MTUS2: variants seen among roughly 807,000 people sequenced by gnomAD.
The protein encoded by MTUS2 is microtubule-associated tumor suppressor candidate 2.
In MTUS2, 40 loss-of-function variants were observed where a neutral mutation model predicts 114.1. The observed-to-expected ratio is 0.35, with a 90% CI of 0.27 to 0.46. The LOEUF (loss-of-function observed/expected upper bound fraction) is 0.46, where lower values mean the gene tolerates loss of function less well. MTUS2 is among the 20% of genes least tolerant of loss of function. MTUS2 has a pLI of 1.00. For missense variants in MTUS2, 1,679 were observed against 1,705.4 expected (o/e 0.98, Z 0.27); for synonymous variants, 688 against 672.0 (o/e 1.02, Z -0.37).
At chr13:29,240,256 T>C (rs947878553) in intron 5 of MTUS2, 5 of 152,178 alleles carry the variant, frequency 3.3e-5, no homozygotes, top group Non-Finnish European at 5.9e-5. Flanking sequence ...TGTCTAAATA[T>C]GGTTACCAGC....
chr13:29,499,396 T>C (rs1473212615), intron 14 of MTUS2, among the ~76,000 whole-genome samples: 1 of 152,244 alleles, frequency 6.6e-6, no homozygotes. Context: ...ATCTGGAAAT[T>C]GGCCCCAGGA....
At chr13:29,119,957 A>T (rs1391578784) in intron 5 of MTUS2, among the ~76,000 whole-genome samples, 1 of 152,224 alleles carries the variant, frequency 6.6e-6, no homozygotes, top group African/African-American at 2.4e-5. Flanking sequence ...AATACATAAA[A>T]ATAGGTCATG....
chr13:28,974,247 T>A (rs1486312460), intron 2 of MTUS2, among the ~76,000 whole-genome samples: 1 of 152,162 alleles, frequency 6.6e-6, no homozygotes, highest in Non-Finnish European at 1.5e-5. Flanking sequence ...TTGCTAGATA[T>A]TTTTATGCGT....
At chr13:29,065,731 G>A (rs947868009) in intron 4 of MTUS2, among the ~76,000 whole-genome samples, 1 of 152,132 alleles carries the variant, frequency 6.6e-6, no homozygotes, top group African/African-American at 2.4e-5. Context: ...GTCAGTCCTG[G>A]TGCTCTGAGT....
intron 8 of MTUS2, among the ~76,000 whole-genome samples, chr13:29,404,345 C>G (rs545886515): frequency 2.6e-5 from 4 of 151,920 alleles, no homozygotes; most frequent in Non-Finnish European, 4.4e-5. Flanking sequence ...GAGTGAGACC[C>G]TGTCTCGAAA....
chr13:29,397,513 G>A (rs938996948), intron 8 of MTUS2, among the ~76,000 whole-genome samples: 3 of 152,204 alleles, frequency 2.0e-5, no homozygotes, highest in African/African-American at 7.2e-5. Context: ...GAAATGCATG[G>A]TCTCAGGCCC....
In MTUS2 at chr13:28,879,345, G is replaced by A. The variant is rs925653869; in HGVS notation, c.-243+39495G>A. Among the ~76,000 whole-genome samples the A allele has an allele frequency of 2.6e-5, 4 of 152,126 alleles. No homozygotes were observed. The East Asian group carries it at 7.7e-4, about 29-fold the overall frequency. ...TGCTGGTGGATAGGAAAACTCAAGTGAGAATGACCTTTTCCTCAATCATTT... is the reference window on the plus strand; with the variant it reads ...TGCTGGTGGATAGGAAAACTCAAGTAAGAATGACCTTTTCCTCAATCATTT... On this transcript the variant is annotated intron_variant, in intron 2 of 15. Transcript: ENST00000612955.
chr13:28,982,783 A>G (rs895772569), intron 2 of MTUS2, among the ~76,000 whole-genome samples: 1 of 152,242 alleles, frequency 6.6e-6, no homozygotes, highest in African/African-American at 2.4e-5. Context: ...CAGTCATAAA[A>G]AGACAAATAC....
chr13:28,847,862 A>G (rs1163324288), intron 2 of MTUS2, among the ~76,000 whole-genome samples: 2 of 152,140 alleles, frequency 1.3e-5, no homozygotes, highest in Non-Finnish European at 2.9e-5. Flanking sequence ...CGCCAACGTT[A>G]TGCAAAGCTC....
intron 5 of MTUS2, among the ~76,000 whole-genome samples, chr13:29,195,539 G>GAAAAA (rs59726006): frequency 2.5e-5 from 2 of 78,522 alleles, no homozygotes; most frequent in East Asian, 4.4e-4. Flanking sequence ...ACTTAATTCT[G>GAAAAA]AAAAAAAAAA....
At chr13:29,342,481 G>A (rs111871976) in intron 7 of MTUS2, among the ~76,000 whole-genome samples, 5,321 of 152,146 alleles carry the variant, frequency 0.035, 295 homozygotes, top group African/African-American at 0.12. Context: ...TTGTATAGCA[G>A]TGCTACTGAT....
chr13:29,216,771 C>T (rs531357660), intron 5 of MTUS2, among the ~76,000 whole-genome samples: 1 of 152,308 alleles, frequency 6.6e-6, no homozygotes, highest in East Asian at 1.9e-4. Flanking sequence ...AAATTGGTCT[C>T]ACTGGGAGCT....
intron 8 of MTUS2, among the ~76,000 whole-genome samples, chr13:29,368,984 G>C (rs1420689917): frequency 1.3e-5 from 2 of 152,184 alleles, no homozygotes; most frequent in Non-Finnish European, 2.9e-5. Flanking sequence ...GGTGAGAGGG[G>C]TTGCAGGAAA....
intron 5 of MTUS2, among the ~76,000 whole-genome samples, chr13:29,195,442 T>A (rs117186157): frequency 6.6e-6 from 1 of 151,424 alleles, no homozygotes; most frequent in South Asian, 2.1e-4. Flanking sequence ...TTCGTAGTTA[T>A]GTGTTTTTGT....
At chr13:29,070,523 TC>T (rs201899839) in intron 4 of MTUS2, among the ~76,000 whole-genome samples, 302 of 151,298 alleles carry the variant, frequency 2.0e-3, no homozygotes, top group African/African-American at 6.5e-3. Flanking sequence ...TGATCTGATT[TC>T]TTTTTTTTCC....
At chr13:28,829,465 G>A (rs1023987041) in intron 1 of MTUS2, among the ~76,000 whole-genome samples, 2 of 152,080 alleles carry the variant, frequency 1.3e-5, no homozygotes, top group African/African-American at 2.4e-5. Flanking sequence ...CCGGGAGGTG[G>A]AGGTTGCAGT....
At chr13:29,471,819 G>A (rs1386557297) in intron 9 of MTUS2, among the ~76,000 whole-genome samples, 1 of 150,210 alleles carries the variant, frequency 6.7e-6, no homozygotes, top group East Asian at 2.0e-4. Context: ...AATGGATTAG[G>A]CTACTTACGG....
At chr13:28,927,395 T>TA (rs112941390) in intron 2 of MTUS2, among the ~76,000 whole-genome samples, 2,483 of 150,338 alleles carry the variant, frequency 0.017, 58 homozygotes, top group African/African-American at 0.055. Flanking sequence ...ACCCTGTCTC[T>TA]AAAAAAAAAG....
At chr13:29,456,929 A>G (rs1879148004) in intron 9 of MTUS2, among the ~76,000 whole-genome samples, 2 of 151,862 alleles carry the variant, frequency 1.3e-5, no homozygotes, top group African/African-American at 4.8e-5. Context: ...CGAGGTCAGG[A>G]GATGGAGACC....
Sources: gnomAD v4.1 joint callset for allele counts (sites outside exome capture counted in the v4.1 genomes callset) on GRCh38, gnomAD v4.1.1 for gene constraint, MANE v1.5 for transcripts, NCBI Gene and HGNC (gene_info 2026-07-23, HGNC 2026-07-21) for gene names.